Variants in SGCD observed in about 807,000 individuals in gnomAD.
The protein encoded by SGCD is sarcoglycan delta.
A neutral mutation model predicts 36.6 loss-of-function variants in SGCD; 18 were observed. That is an observed-to-expected ratio of 0.49 (90% CI 0.34 to 0.73). The LOEUF (loss-of-function observed/expected upper bound fraction) is 0.73, where lower values mean the gene tolerates loss of function less well. Among genes scored for constraint, SGCD ranks in the 30% least tolerant of loss-of-function variants. SGCD has a pLI of 0.01. For missense variants in SGCD, 387 were observed against 346.7 expected (o/e 1.12, Z -0.92); for synonymous variants, 133 against 130.6 (o/e 1.02, Z -0.12).
At chr5:156,632,311 G>T (rs1300455091) in intron 6 of SGCD, among the ~76,000 whole-genome samples, 5 of 151,930 alleles carry the variant, frequency 3.3e-5, no homozygotes, top group Non-Finnish European at 7.4e-5. Flanking sequence ...AGGGCCAAGT[G>T]AGCACCAGCC....
At chr5:155,745,514 A>G in the SGCD span, among the ~76,000 whole-genome samples, 5 of 152,106 alleles carry the variant, frequency 3.3e-5, no homozygotes, top group African/African-American at 1.2e-4. Flanking sequence ...TTTATTACAT[A>G]CTTCAAAGAA....
At chr5:156,461,160 A>G (rs933902681) in intron 3 of SGCD, among the ~76,000 whole-genome samples, 3 of 152,068 alleles carry the variant, frequency 2.0e-5, no homozygotes, top group African/African-American at 4.8e-5. Context: ...TCTTACAGCA[A>G]CTCTTCCCCT....
intron 1 of SGCD, among the ~76,000 whole-genome samples, chr5:156,005,284 T>G (rs1758734359): frequency 6.6e-6 from 1 of 152,208 alleles, no homozygotes; most frequent in South Asian, 2.1e-4. Context: ...TGATTGATCT[T>G]GCTTTCCAGC....
intron 3 of SGCD, among the ~76,000 whole-genome samples, chr5:156,308,772 A>G (rs755326752): frequency 6.6e-6 from 1 of 152,158 alleles, no homozygotes; most frequent in Non-Finnish European, 1.5e-5. Flanking sequence ...ACTGAACCAT[A>G]TTGTAGGCCT....
chr5:156,463,197 G>A (rs967474220), intron 3 of SGCD, among the ~76,000 whole-genome samples: 1 of 152,016 alleles, frequency 6.6e-6, no homozygotes, highest in African/African-American at 2.4e-5. Flanking sequence ...AGGCCACCAC[G>A]TCTGGCTAAT....
intron 3 of SGCD, among the ~76,000 whole-genome samples, chr5:156,188,305 A>G (rs1367455726): frequency 6.6e-6 from 1 of 152,214 alleles, no homozygotes; most frequent in East Asian, 1.9e-4. Flanking sequence ...GGGACAGTCA[A>G]AAAATAATAA....
At chr5:156,200,473 T>C (rs1029221720) in intron 3 of SGCD, among the ~76,000 whole-genome samples, 6 of 152,140 alleles carry the variant, frequency 3.9e-5, no homozygotes, top group Admixed American at 1.3e-4. Flanking sequence ...TGGAAAAGAA[T>C]GAAGTCACCA....
the SGCD span, among the ~76,000 whole-genome samples, chr5:155,756,440 T>C: frequency 3.3e-5 from 5 of 152,224 alleles, no homozygotes; most frequent in Non-Finnish European, 5.9e-5. Flanking sequence ...TGTTGATCTT[T>C]CTTCCTCTTC....
At chr5:156,239,211 C>G (rs1765240632) in intron 3 of SGCD, among the ~76,000 whole-genome samples, 2 of 151,946 alleles carry the variant, frequency 1.3e-5, no homozygotes, top group Admixed American at 1.3e-4. Flanking sequence ...ACCAGACTGA[C>G]CAACATGGCG....
the SGCD span, among the ~76,000 whole-genome samples, chr5:155,803,257 G>A: frequency 2.0e-4 from 31 of 152,324 alleles, 1 homozygote; most frequent in South Asian, 4.6e-3. Flanking sequence ...AAAGCCGAAA[G>A]AGCAGCCAGC....
At chr5:156,509,642 C>T (rs1756848691) in intron 4 of SGCD, among the ~76,000 whole-genome samples, 1 of 152,186 alleles carries the variant, frequency 6.6e-6, no homozygotes, top group African/African-American at 2.4e-5. Context: ...TAAAAAGCTT[C>T]ATACTTGTAG....
At chr5:156,591,045 AAC>A (rs71917733) in intron 5 of SGCD, among the ~76,000 whole-genome samples, 2 of 151,444 alleles carry the variant, frequency 1.3e-5, no homozygotes, top group South Asian at 2.1e-4. Flanking sequence ...CATCATTCTA[AAC>A]ACACACACAC....
intron 6 of SGCD, among the ~76,000 whole-genome samples, chr5:156,635,685 C>T (rs184117122): frequency 7.2e-5 from 11 of 152,228 alleles, no homozygotes; most frequent in African/African-American, 2.6e-4. Flanking sequence ...CACCTATACA[C>T]CATGGAATAC....
chr5:155,959,408 C>G (rs979727744), intron 1 of SGCD, among the ~76,000 whole-genome samples: 4 of 152,110 alleles, frequency 2.6e-5, no homozygotes, highest in African/African-American at 9.7e-5. Context: ...AGGGACATTT[C>G]CTAGTAGGTC....
intron 7 of SGCD, among the ~76,000 whole-genome samples, chr5:156,649,166 A>C (rs1172796748): frequency 6.6e-6 from 1 of 152,200 alleles, no homozygotes; most frequent in Non-Finnish European, 1.5e-5. Flanking sequence ...ATGAGATACC[A>C]TCTCACACCA....
In SGCD at chr5:156,419,087, G is replaced by GT. The variant is rs1435943039; in HGVS notation, c.192+74417dup. 3.9e-5 allele frequency among the ~76,000 whole-genome samples: 6 copies of GT among 152,052 alleles called. No individual in the cohort carries two copies. The East Asian group carries it at 5.8e-4, about 15-fold the overall frequency. ...AGTATCTCAAGGCAGGCTTGGGGAT[G>GT]TTTTTTTCAACCACCCACAGAATGC... is the stretch of plus-strand genomic sequence containing the variant. On this transcript the variant is annotated intron_variant, in intron 3 of 8. Coordinates refer to ENST00000337851, the MANE Select transcript of SGCD (RefSeq NM_000337.6).
At chr5:156,736,010 A>G (rs1756341957) in intron 7 of SGCD, among the ~76,000 whole-genome samples, 1 of 152,162 alleles carries the variant, frequency 6.6e-6, no homozygotes, top group African/African-American at 2.4e-5. Flanking sequence ...TCCTGGGATC[A>G]CACAATCACT....
At chr5:156,599,184 T>A (rs140506725) in intron 6 of SGCD, among the ~76,000 whole-genome samples, 36 of 152,298 alleles carry the variant, frequency 2.4e-4, no homozygotes, top group African/African-American at 7.9e-4. Flanking sequence ...GCAGTTTCAT[T>A]TTCAGCATAA....
intron 3 of SGCD, among the ~76,000 whole-genome samples, chr5:156,236,891 C>T (rs1009990524): frequency 1.1e-4 from 16 of 149,684 alleles, no homozygotes; most frequent in South Asian, 2.1e-4. Flanking sequence ...TGGAGCACAG[C>T]GGCAGAAGCT....
Sources: gnomAD v4.1 joint callset for allele counts (sites outside exome capture counted in the v4.1 genomes callset) on GRCh38, gnomAD v4.1.1 for gene constraint, MANE v1.5 for transcripts, NCBI Gene and HGNC (gene_info 2026-07-23, HGNC 2026-07-21) for gene names.